AGAP6: variants seen among roughly 807,000 people sequenced by gnomAD.
AGAP6 encodes the protein arf-GAP with GTPase, ANK repeat and PH domain-containing protein 6.
In AGAP6, 29 loss-of-function variants were observed where a neutral mutation model predicts 63.9. That is an observed-to-expected ratio of 0.45 (90% CI 0.34 to 0.62). The LOEUF (loss-of-function observed/expected upper bound fraction) is 0.62, where lower values mean the gene tolerates loss of function less well. Ranked by LOEUF, AGAP6 falls within the 20% of genes least tolerant of loss-of-function variation. The pLI, the probability that AGAP6 is intolerant of heterozygous loss-of-function variation, is 0.01. For synonymous variants in AGAP6, 199 were observed against 332.9 expected, an observed-to-expected ratio of 0.60 and a Z score of 4.38; for missense variants, 493 against 884.9, an observed-to-expected ratio of 0.56 and a Z score of 5.62.
intron 4 of AGAP6, among the ~76,000 whole-genome samples, chr10:50,001,252 C>T (rs1841682190): frequency 6.7e-6 from 1 of 150,218 alleles, no homozygotes; most frequent in South Asian, 2.1e-4. Flanking sequence ...ATGGCGTGAA[C>T]CCGGGAGGCG....
chr10:49,988,893 G>A lies in AGAP6; in HGVS notation c.178G>A (p.Glu60Lys), dbSNP rs1554860155. Residue 60 changes from glutamate (E) to lysine (K), a missense_variant, in exon 1 of 8, where the codon GAG becomes AAG. Physicochemically the swap from Glu to Lys is moderately conservative, Grantham distance 56. Coordinates refer to ENST00000412531, the MANE Select transcript of AGAP6 (RefSeq NM_001077665.3). ...TGCTGAGGTGACTGTTGAAGTTGGT[G>A]AGGACCTCCACATGCACCACGTTCG... ...QPAEVTVEVG[E>K]DLHMHHVRDR... 6.3e-7 allele frequency: 1 copy of A among 1,599,682 alleles called. No individual in the cohort carries two copies.
chr10:50,005,642 G>A (rs1291299044), intron 6 of AGAP6, among the ~76,000 whole-genome samples: 2 of 151,544 alleles, frequency 1.3e-5, no homozygotes, highest in African/African-American at 4.9e-5. Flanking sequence ...ATAAGCTGGT[G>A]GGGCGCAGTG....
Position 49,988,862 on chromosome 10 carries a change from A to C in AGAP6, c.147A>C (p.Val49=), listed in dbSNP as rs371327390. The C allele has an allele frequency of 6.3e-7, 1 of 1,593,608 alleles. No homozygotes were observed. The highest frequency in any genetic ancestry group is 1.1e-5 in the South Asian group (1 of 90,834). ...CAGGAGCGCCCATGGCTGCTGCTGTACAGCCTGCTGAGGTGACTGTTGAAG... is the reference window on the plus strand; with the variant it reads ...CAGGAGCGCCCATGGCTGCTGCTGTCCAGCCTGCTGAGGTGACTGTTGAAG... ...RMAGAPMAAA[V]QPAEVTVEVG... The change falls in exon 1 of 8, where the codon GTA becomes GTC. Residue 49 remains valine, a synonymous_variant. Transcript: ENST00000412531.
At position 49,998,402 on chromosome 10, in the gene AGAP6, G is replaced by A. The variant is rs1391571676; in HGVS notation, c.397-3594G>A. ...GAGTTGATTTTTGTGTAAGGTGAGA[G>A]TTGAGGATCCAGTTTCATTCTCCCG... On this transcript the variant is annotated intron_variant, in intron 4 of 7. Coordinates refer to ENST00000412531, the MANE Select transcript of AGAP6 (RefSeq NM_001077665.3). Among the ~76,000 whole-genome samples the A allele has an allele frequency of 2.9e-5, 3 of 104,538 alleles. No individual in the cohort carries two copies. The Admixed American group carries it at 4.1e-4, about 14-fold the overall frequency. The allele number at this position is 104,538 out of a possible 152,430, so 68.6% of individuals were successfully genotyped here.
intron 4 of AGAP6, among the ~76,000 whole-genome samples, chr10:49,997,163 G>A (rs1298661907): frequency 2.7e-5 from 4 of 148,438 alleles, no homozygotes; most frequent in Admixed American, 2.0e-4. Flanking sequence ...TTCTCCTAAG[G>A]CCTTGTTTAA....
chr10:49,989,048 G>A lies in AGAP6; in HGVS notation c.223+110G>A, dbSNP rs554797702. ...TCGAGCTCCTTTCTGCTTGTAGCCA[G>A]CTTTCCCGGGGGCTGGCCAGGAACA... On this transcript the variant is annotated intron_variant, in intron 1 of 7. Transcript: ENST00000412531. The A allele has an allele frequency of 1.5e-5, 24 of 1,594,364 alleles. No individual in the cohort carries two copies. The East Asian group carries it at 4.9e-4, about 33-fold the overall frequency.
At chr10:49,998,895 G>A (rs1162518338) in intron 4 of AGAP6, among the ~76,000 whole-genome samples, 4 of 139,356 alleles carry the variant, frequency 2.9e-5, no homozygotes, top group African/African-American at 5.5e-5. Flanking sequence ...ATTCAGCAAC[G>A]TTTTGTAGTT....
chr10:49,991,607 G>A lies in AGAP6; in HGVS notation c.293-69G>A, dbSNP rs1841282685. 3.3e-5 allele frequency: 52 copies of A among 1,588,202 alleles called. 1 individual carries two copies. In the South Asian group the frequency reaches 4.3e-4, roughly 13 times the overall value. ...GTGAAATAGCCTAAATGCAGCAGTC[G>A]AATAAACGAGTTGATAAATTTTTAT... On this transcript the variant is annotated intron_variant, in intron 2 of 7. Transcript: ENST00000412531.
At chr10:49,994,581 A>C in intron 4 of AGAP6, 152 bp downstream of exon 4, 1 of 1,193,098 alleles carries the variant, frequency 8.4e-7, no homozygotes, top group Non-Finnish European at 1.1e-6. Context: ...CTGAGTATTA[A>C]ATTTATCCAG....
chr10:50,008,375 T>C (rs1289845361), intron 7 of AGAP6, among the ~76,000 whole-genome samples: 2 of 151,340 alleles, frequency 1.3e-5, no homozygotes, highest in African/African-American at 4.9e-5. Flanking sequence ...CTTGGTTCAC[T>C]GCAGGCTCTG....
rs199607652 is a variant in AGAP6, at chr10:49,999,903, C to T, written c.397-2093C>T. On this transcript the variant is annotated intron_variant, in intron 4 of 7. Coordinates refer to ENST00000412531, the MANE Select transcript of AGAP6 (RefSeq NM_001077665.3). ...TAAACTAAACTAAAATAAAATACTT[C>T]GGAATAGACCTAACCAAGGAGGTGA... 1.1e-4 allele frequency among the ~76,000 whole-genome samples: 15 copies of T among 142,540 alleles called. 3 individuals carry two copies. The highest frequency in any genetic ancestry group is 3.5e-4 in the African/African-American group (13 of 37,474). The allele number at this position is 142,540 out of a possible 152,430, so 93.5% of individuals were successfully genotyped here. A position where few individuals can be genotyped will look rare whatever the true frequency, so the allele number is the denominator to read the frequency against.
At chr10:49,990,544 G>C (rs543712560) in intron 2 of AGAP6, among the ~76,000 whole-genome samples, 2 of 152,210 alleles carry the variant, frequency 1.3e-5, no homozygotes, top group East Asian at 1.9e-4. Context: ...CAATTAGTTC[G>C]TTTGCCTCAA....
chr10:49,992,244 A>C (rs1282632082), intron 3 of AGAP6, among the ~76,000 whole-genome samples: 12 of 152,050 alleles, frequency 7.9e-5, no homozygotes, highest in Non-Finnish European at 1.3e-4. Context: ...ATCCAAGTTC[A>C]TGCTACTCAA....
rs548071716 is a variant in AGAP6 at position 49,989,340 on chromosome 10, T to C, written c.256T>C (p.Ser86Pro). Residue 86 changes from serine to proline, a missense_variant, in exon 2 of 8, where the codon TCA (serine) becomes CCA (proline). Ser to Pro is a moderately conservative substitution (Grantham distance 74). Around this residue, in one of 7 missense-constraint regions of AGAP6, gnomAD observed 342 missense variants for 533.4 expected, o/e 0.64. Transcript: ENST00000412531. The stretch of plus-strand genomic sequence containing the variant: ...GTTTAACCTTTCTGCCAATCCAGAG[T>C]CAAGCACAATATTCCAGAGGAACTC... ...LEFNLSANPESSTIFQRNSQT... is the reference protein window; with the variant it reads ...LEFNLSANPEPSTIFQRNSQT... 1 of 1,597,122 alleles carries C rather than the reference T, an allele frequency of 6.3e-7. No individual in the cohort carries two copies. The highest frequency in any genetic ancestry group is 1.3e-5 in the African/African-American group (1 of 74,762).
chr10:49,989,247 T>G, intron 1 of AGAP6, 61 bp from the exon 2 acceptor site: 1 of 1,594,040 alleles, frequency 6.3e-7, no homozygotes. Context: ...GTTGAATAAA[T>G]AAGTTGATAA....
intron 6 of AGAP6, among the ~76,000 whole-genome samples, chr10:50,005,715 G>A (rs1467587823): frequency 2.0e-5 from 3 of 150,698 alleles, no homozygotes; most frequent in African/African-American, 7.3e-5. Flanking sequence ...GAGGTCAGGA[G>A]TTTGAGACCA....
chr10:50,009,128 A>C lies in AGAP6; in HGVS notation c.1003A>C (p.Thr335Pro). ...NIHKKEIDLQ[T>P]STIKVPGKWP... The stretch of plus-strand genomic sequence containing the variant: ...TCATAAAAAAGAGATTGACCTTCAG[A>C]CATCTACCATCAAAGTCCCAGGAAA... Residue 335 changes from threonine to proline, a missense_variant, in exon 8 of 8, where the codon ACA (threonine) becomes CCA (proline). By Grantham distance (38) the Thr-to-Pro change is conservative. Transcript: ENST00000412531. The C allele has an allele frequency of 6.2e-7, 1 of 1,614,038 alleles. No homozygotes were observed. Among genetic ancestry groups the C allele is most frequent in the Middle Eastern group, 1.7e-4 (1 of 5,948 alleles).
At chr10:49,992,504 C>T (rs1274630236) in intron 3 of AGAP6, among the ~76,000 whole-genome samples, 1 of 152,144 alleles carries the variant, frequency 6.6e-6, no homozygotes, top group African/African-American at 2.4e-5. Flanking sequence ...AGACTTTGCC[C>T]ATCTTGAGTC....
In AGAP6 at chr10:49,994,376, T is replaced by G. The variant is rs1430794545; in HGVS notation, c.362-19T>G. The G allele has an allele frequency of 2.0e-6, 3 of 1,515,096 alleles. No homozygotes were observed. The highest frequency in any genetic ancestry group is 2.7e-6 in the Non-Finnish European group (3 of 1,126,744). 93.9% of individuals were successfully genotyped at this position (1,515,096 alleles called of 1,614,324 possible). ...GGTATTTGTATCAGAAGTGACCAGT[T>G]TTTTTTTTTTATTCTTAGTTGTAGA... is the stretch of plus-strand genomic sequence containing the variant. On this transcript the variant is annotated intron_variant, in intron 3 of 7. Transcript: ENST00000412531.
Sources: gnomAD v4.1 joint callset for allele counts (sites outside exome capture counted in the v4.1 genomes callset) on GRCh38, gnomAD v4.1.1 for gene constraint, gnomAD v4.1.1 regional missense constraint, MANE v1.5 for transcripts, NCBI Gene and HGNC (gene_info 2026-07-23, HGNC 2026-07-21) for gene names.